Variants in TOMM7 observed in about 807,000 individuals in gnomAD.
The protein encoded by TOMM7 is translocase of outer mitochondrial membrane 7.
TOMM7 carries 8 observed loss-of-function variants against 9.5 expected under a neutral mutation model. That is an observed-to-expected ratio of 0.84 (90% CI 0.49 to 1.51). TOMM7 has a LOEUF of 1.51. TOMM7 is among the 40% of genes most tolerant of loss of function. The probability of loss-of-function intolerance (pLI) is 0.00; values close to 1 mark genes in which losing one functional copy is unlikely to be tolerated. For missense variants in TOMM7, 74 were observed against 63.7 expected (o/e 1.16, Z -0.55); for synonymous variants, 27 against 21.4 (o/e 1.26, Z -0.72).
chr7:22,821,590 A>T (rs1379188958), intron 1 of TOMM7, among the ~76,000 whole-genome samples: 1 of 151,852 alleles, frequency 6.6e-6, no homozygotes, highest in Non-Finnish European at 1.5e-5. Context: ...CTCTACTAAA[A>T]ATATAAACAT....
chr7:22,821,365 G>C (rs954607861), intron 1 of TOMM7, among the ~76,000 whole-genome samples: 1 of 148,828 alleles, frequency 6.7e-6, no homozygotes, highest in Non-Finnish European at 1.5e-5. Flanking sequence ...AGCTGAGATC[G>C]CGCCACTGCA....
At chr7:22,818,723 A>G (rs1276640590) in intron 1 of TOMM7, among the ~76,000 whole-genome samples, 3 of 152,184 alleles carry the variant, frequency 2.0e-5, no homozygotes, top group Non-Finnish European at 4.4e-5. Flanking sequence ...CTCCCAAATT[A>G]TACTGGATGA....
At chr7:22,821,750 G>A (rs4719716) in intron 1 of TOMM7, among the ~76,000 whole-genome samples, 67,060 of 151,342 alleles carry the variant, frequency 0.44, 16,767 homozygotes, top group African/African-American at 0.68. Context: ...GTCTCAAAAA[G>A]GAAAAAAGGA....
intron 1 of TOMM7, 140 bp downstream of exon 1, chr7:22,822,537 C>T: frequency 1.2e-6 from 1 of 804,130 alleles, no homozygotes; most frequent in Non-Finnish European, 2.1e-6. Context: ...TAGATCGGCC[C>T]CACTTGACCA....
chr7:22,816,069 C>G (rs914798982), intron 2 of TOMM7, among the ~76,000 whole-genome samples: 14 of 152,116 alleles, frequency 9.2e-5, no homozygotes, highest in African/African-American at 3.1e-4. Flanking sequence ...AGCTAGAGCA[C>G]TGTTTTCATA....
intron 1 of TOMM7, 86 bp from the exon 2 acceptor site, chr7:22,818,134 TA>T (rs935093851): frequency 1.6e-6 from 2 of 1,289,882 alleles, no homozygotes; most frequent in South Asian, 1.2e-5. Flanking sequence ...TTCTTCTTTG[TA>T]ATCCAACCTA....
rs529693971 is a variant in TOMM7 at position 22,815,044 on chromosome 7, G to A, written c.153-1859C>T. On this transcript the variant is annotated intron_variant, in intron 2 of 2. Coordinates refer to ENST00000358435, the MANE Select transcript of TOMM7 (RefSeq NM_019059.5). ...AAATTCCGTAACTGAGTAACCCTTT[G>A]CAGGCACTCACTCACTCAATTCTTT... Among the ~76,000 whole-genome samples the A allele has an allele frequency of 3.9e-4, 60 of 152,246 alleles. 2 individuals carry two copies. In the South Asian group the frequency reaches 6.8e-3, roughly 17 times the overall value.
intron 1 of TOMM7, chr7:22,822,462 G>GGATT (rs1377776584): frequency 1.1e-5 from 8 of 714,876 alleles, no homozygotes; most frequent in Admixed American, 2.9e-5. Flanking sequence ...AGAAAAGGAG[G>GGATT]GATTGCAAGA....
At chr7:22,817,335 CT>C (rs1171146651) in intron 2 of TOMM7, 12 of 153,772 alleles carry the variant, frequency 7.8e-5, no homozygotes, top group African/African-American at 2.9e-4. Context: ...AATGCTCATA[CT>C]TTATTAATCC....
chr7:22,813,991 T>C (rs1228568935), intron 2 of TOMM7, among the ~76,000 whole-genome samples: 1 of 149,908 alleles, frequency 6.7e-6, no homozygotes, highest in Non-Finnish European at 1.5e-5. Flanking sequence ...CAAATGTGTA[T>C]TAAAATCGCC....
At chr7:22,814,554 G>A (rs1054104897) in intron 2 of TOMM7, among the ~76,000 whole-genome samples, 2 of 151,962 alleles carry the variant, frequency 1.3e-5, no homozygotes, top group South Asian at 2.1e-4. Flanking sequence ...AATGGTAATG[G>A]GCAGCAAAAA....
At chr7:22,818,251 A>G (rs1327855098) in intron 1 of TOMM7, 1 of 504,794 alleles carries the variant, frequency 2.0e-6, no homozygotes, top group Non-Finnish European at 3.6e-6. Context: ...AGGACTAATC[A>G]GTAGGAAGAA....
At chr7:22,817,276 T>C (rs1782328858) in intron 2 of TOMM7, 1 of 153,698 alleles carries the variant, frequency 6.5e-6, no homozygotes, top group Non-Finnish European at 1.5e-5. Flanking sequence ...TGTTTACACA[T>C]ACCAGCAAGA....
chr7:22,815,028 A>G (rs1782298845), intron 2 of TOMM7, among the ~76,000 whole-genome samples: 1 of 152,190 alleles, frequency 6.6e-6, no homozygotes, highest in African/African-American at 2.4e-5. Context: ...GAAATTCCGT[A>G]ACTGAGTAAC....
chr7:22,821,539 G>A lies in TOMM7; in HGVS notation c.103+1138C>T, dbSNP rs368041986. On this transcript the variant is annotated intron_variant, in intron 1 of 2. Coordinates refer to ENST00000358435, the MANE Select transcript of TOMM7 (RefSeq NM_019059.5). ...AGGGGAGGTAGCTAACTTGAGGCCA[G>A]GAGTTTGAGGCCAGCCTGGCCCACA... Among the ~76,000 whole-genome samples, 9 of 152,260 alleles carry A rather than the reference G, an allele frequency of 5.9e-5. No individual in the cohort carries two copies. The East Asian group carries it at 9.6e-4, about 16-fold the overall frequency.
chr7:22,814,345 G>C (rs1298243730), intron 2 of TOMM7, among the ~76,000 whole-genome samples: 4 of 72,002 alleles, frequency 5.6e-5, no homozygotes, highest in South Asian at 5.4e-4. Flanking sequence ...GCAAGACTCC[G>C]ACTCAAAAAA....
chr7:22,818,167 G>C (rs1782341059), intron 1 of TOMM7, 119 bp from the exon 2 acceptor site: 1 of 867,892 alleles, frequency 1.2e-6, no homozygotes, highest in African/African-American at 1.7e-5. Flanking sequence ...ATGATATCTA[G>C]ACCAACCAGT....
intron 2 of TOMM7, among the ~76,000 whole-genome samples, chr7:22,816,866 C>T (rs1042620546): frequency 1.3e-5 from 2 of 152,196 alleles, no homozygotes; most frequent in African/African-American, 4.8e-5. Flanking sequence ...GTATAACCTG[C>T]TCTGAAGGAC....
intron 1 of TOMM7, among the ~76,000 whole-genome samples, chr7:22,819,420 T>C (rs1250190338): frequency 6.6e-6 from 1 of 151,310 alleles, no homozygotes; most frequent in Non-Finnish European, 1.5e-5. Context: ...CAGGCTGGAG[T>C]GTAGTGGCAC....
Sources: gnomAD v4.1 joint callset for allele counts (sites outside exome capture counted in the v4.1 genomes callset) on GRCh38, gnomAD v4.1.1 for gene constraint, MANE v1.5 for transcripts, NCBI Gene and HGNC (gene_info 2026-07-23, HGNC 2026-07-21) for gene names.